The following DAB1 variants were observed in gnomAD, a reference collection of about 807,000 sequenced individuals.
The protein encoded by DAB1 is DAB adaptor protein 1.
In DAB1, 15 loss-of-function variants were observed where a neutral mutation model predicts 64.6. The observed-to-expected ratio is 0.23, with a 90% CI of 0.16 to 0.36. DAB1 has a LOEUF of 0.36. Among genes scored for constraint, DAB1 ranks in the 10% least tolerant of loss-of-function variants. The pLI, the probability that DAB1 is intolerant of heterozygous loss-of-function variation, is 1.00. For synonymous variants in DAB1, 235 were observed against 251.9 expected (o/e 0.93, Z 0.64); for missense variants, 596 against 706.7 (o/e 0.84, Z 1.78).
chr1:57,787,902 T>C (rs1234078832), intron 6 of DAB1, among the ~76,000 whole-genome samples: 1 of 151,638 alleles, frequency 6.6e-6, no homozygotes, highest in Non-Finnish European at 1.5e-5. Flanking sequence ...AATAAGCCCA[T>C]GAAAAGATAC....
rs191491300 is a variant in DAB1 at position 57,718,633 on chromosome 1, C to T, written n.552-68968G>A. On this transcript the variant is annotated intron_variant and non_coding_transcript_variant, in intron 6 of 20. Transcript: ENST00000485760. ...TATCTTGTATCTAAAAGATATGTTC[C>T]AATCAATAGTTACAATAAACAGAAT... is the stretch of plus-strand genomic sequence containing the variant. Among the ~76,000 whole-genome samples the T allele has an allele frequency of 2.1e-3, 316 of 152,132 alleles. 1 individual carries two copies. Among genetic ancestry groups the T allele is most frequent in the African/African-American group, 6.8e-3 (282 of 41,518 alleles).
At chr1:57,966,469 A>G (rs150758558) in intron 5 of DAB1, among the ~76,000 whole-genome samples, 2 of 152,268 alleles carry the variant, frequency 1.3e-5, no homozygotes, top group African/African-American at 4.8e-5. Flanking sequence ...ACCCACCACT[A>G]GACATGTGAG....
chr1:57,113,459 G>T (rs1049810498), intron 4 of DAB1, among the ~76,000 whole-genome samples: 3 of 152,040 alleles, frequency 2.0e-5, no homozygotes, highest in Non-Finnish European at 4.4e-5. Context: ...TTCTGCAAAG[G>T]ACCAGACAAT....
chr1:57,784,951 T>C (rs1650271154), intron 6 of DAB1, among the ~76,000 whole-genome samples: 1 of 152,202 alleles, frequency 6.6e-6, no homozygotes, highest in Non-Finnish European at 1.5e-5. Context: ...GAGAAGTCAA[T>C]GCTTGGCTTT....
chr1:57,668,438 C>T, intron 6 of DAB1, among the ~76,000 whole-genome samples: 1 of 152,040 alleles, frequency 6.6e-6, no homozygotes. Context: ...ATATAGGACA[C>T]TATAGGTACC....
intron 4 of DAB1, among the ~76,000 whole-genome samples, chr1:58,213,139 T>C (rs1458410204): frequency 1.3e-5 from 2 of 152,148 alleles, no homozygotes; most frequent in Non-Finnish European, 2.9e-5. Context: ...TGTGATCTGA[T>C]TTGCAAAGGT....
At chr1:57,855,929 C>T (rs12141749) in intron 1 of DAB1, among the ~76,000 whole-genome samples, 3,925 of 152,158 alleles carry the variant, frequency 0.026, 91 homozygotes, top group East Asian at 0.13. Context: ...GGAGGCAAGA[C>T]GCTAGCTTGA....
chr1:57,358,590 T>C (rs1158276730), intron 1 of DAB1, among the ~76,000 whole-genome samples: 2 of 152,058 alleles, frequency 1.3e-5, no homozygotes, highest in Admixed American at 1.3e-4. Flanking sequence ...ATGTAACCCT[T>C]ACTGGAAACA....
chr1:57,344,467 C>G (rs1677920598), intron 1 of DAB1, among the ~76,000 whole-genome samples: 1 of 152,034 alleles, frequency 6.6e-6, no homozygotes, highest in Non-Finnish European at 1.5e-5. Flanking sequence ...AACTTTCACA[C>G]TTGGTTTGAA....
chr1:57,283,515 T>C (rs61767385), intron 2 of DAB1, among the ~76,000 whole-genome samples: 1 of 152,190 alleles, frequency 6.6e-6, no homozygotes, highest in Non-Finnish European at 1.5e-5. Flanking sequence ...TGTGAACTCA[T>C]GGAATCCTCA....
chr1:58,067,502 A>G (rs1648929228), intron 5 of DAB1, among the ~76,000 whole-genome samples: 1 of 152,258 alleles, frequency 6.6e-6, no homozygotes, highest in Non-Finnish European at 1.5e-5. Flanking sequence ...TCCAGGAACT[A>G]GCAGCCCATC....
At chr1:58,077,917 G>A (rs936906399) in intron 5 of DAB1, 4 of 152,202 alleles carry the variant, frequency 2.6e-5, no homozygotes, top group Non-Finnish European at 5.9e-5. Flanking sequence ...GAGCCAAGCT[G>A]TGCTCGAGTC....
intron 7 of DAB1, among the ~76,000 whole-genome samples, chr1:57,554,401 G>T (rs1329569188): frequency 6.6e-6 from 1 of 152,226 alleles, no homozygotes; most frequent in Non-Finnish European, 1.5e-5. Context: ...TGATCATGAA[G>T]ATTCTGTGAA....
At chr1:57,083,344 C>A (rs1028000818) in intron 4 of DAB1, among the ~76,000 whole-genome samples, 2 of 152,162 alleles carry the variant, frequency 1.3e-5, no homozygotes, top group South Asian at 4.1e-4. Flanking sequence ...TATTTTCATT[C>A]TTCTAAAATC....
chr1:57,773,344 TACACAC>T (rs60059518), intron 6 of DAB1, among the ~76,000 whole-genome samples: 125 of 147,674 alleles, frequency 8.5e-4, no homozygotes, highest in African/African-American at 2.8e-3. Flanking sequence ...TTGAGTTGTA[TACACAC>T]ACACACACAC....
At chr1:57,428,860 A>C (rs1428111466), upstream of DAB1, among the ~76,000 whole-genome samples, 3 of 144,162 alleles carry the variant, frequency 2.1e-5, no homozygotes, top group Non-Finnish European at 3.0e-5. Flanking sequence ...AAAAAAAAAA[A>C]CAGCAACCAA....
chr1:56,996,710 A>G lies in DAB1; in HGVS notation c.*1434T>C, dbSNP rs1645633733. On this transcript the variant is annotated 3_prime_UTR_variant, in exon 15 of 15. Coordinates refer to ENST00000371236, the MANE Select transcript of DAB1 (RefSeq NM_001365792.1). Reference sequence around the variant, plus strand: ...CCGTTCACTAGCTGCTGATTGGCCAACTGCTCCTGCCAGCTGTCCCTGCAC... The same window carrying G: ...CCGTTCACTAGCTGCTGATTGGCCAGCTGCTCCTGCCAGCTGTCCCTGCAC... The G allele has an allele frequency of 1.3e-5, 2 of 152,346 alleles. No individual in the cohort carries two copies. Among genetic ancestry groups the G allele is most frequent in the Non-Finnish European group, 1.5e-5 (1 of 68,046 alleles). 9.4% of individuals were successfully genotyped at this position (152,346 alleles called of 1,614,324 possible). A position where few individuals can be genotyped will look rare whatever the true frequency, so the allele number is the denominator to read the frequency against.
At chr1:57,055,178 T>C (rs1261716594) in intron 9 of DAB1, among the ~76,000 whole-genome samples, 2 of 152,224 alleles carry the variant, frequency 1.3e-5, no homozygotes, top group Non-Finnish European at 2.9e-5. Context: ...AGTTAGTCCC[T>C]GTGCCAAGCT....
intron 14 of DAB1, among the ~76,000 whole-genome samples, chr1:57,008,392 T>C (rs773384307): frequency 2.0e-5 from 3 of 152,064 alleles, no homozygotes; most frequent in Non-Finnish European, 4.4e-5. Flanking sequence ...GTGGGGAGCG[T>C]GCATTAATTG....
Sources: gnomAD v4.1 joint callset for allele counts (sites outside exome capture counted in the v4.1 genomes callset) on GRCh38, gnomAD v4.1.1 for gene constraint, MANE v1.5 for transcripts, NCBI Gene and HGNC (gene_info 2026-07-23, HGNC 2026-07-21) for gene names.